CARMIL1: variants seen among roughly 807,000 people sequenced by gnomAD.
The protein encoded by CARMIL1 is F-actin-uncapping protein LRRC16A.
CARMIL1 carries 90 observed loss-of-function variants against 177.1 expected under a neutral mutation model. The ratio of observed to expected loss-of-function variants is 0.51; its 90% CI spans 0.43 to 0.61. The LOEUF is 0.61. CARMIL1 is among the 20% of genes least tolerant of loss of function. The pLI is 0.00. For missense variants in CARMIL1, 1,380 were observed against 1,667.0 expected, an observed-to-expected ratio of 0.83 and a Z score of 3.00; for synonymous variants, 577 against 606.2, an observed-to-expected ratio of 0.95 and a Z score of 0.71.
intron 2 of CARMIL1, among the ~76,000 whole-genome samples, chr6:25,314,390 T>A: frequency 6.7e-6 from 1 of 148,824 alleles, no homozygotes. Flanking sequence ...GGAGAATTGC[T>A]TGAACCCGGG....
chr6:25,341,163 G>GA (rs1786895939), intron 2 of CARMIL1, among the ~76,000 whole-genome samples: 1 of 151,672 alleles, frequency 6.6e-6, no homozygotes. Context: ...GGCGTAAACG[G>GA]GAGGCTTTGG....
intron 31 of CARMIL1, among the ~76,000 whole-genome samples, 173 bp downstream of exon 31, chr6:25,581,612 GA>G (rs1387457450): frequency 6.6e-6 from 1 of 152,160 alleles, no homozygotes; most frequent in Admixed American, 6.5e-5. Flanking sequence ...AACAATTTTG[GA>G]GAATGAACAG....
intron 13 of CARMIL1, among the ~76,000 whole-genome samples, chr6:25,490,756 AAAAT>A (rs1803149062): frequency 6.9e-6 from 1 of 143,916 alleles, no homozygotes; most frequent in Non-Finnish European, 1.5e-5. Flanking sequence ...TAAATAAAAA[AAAAT>A]AAATGTCATT....
chr6:25,616,880 A>G (rs2151353877), intron 36 of CARMIL1, among the ~76,000 whole-genome samples: 1 of 152,292 alleles, frequency 6.6e-6, no homozygotes, highest in Admixed American at 6.5e-5. Flanking sequence ...CATCACATTA[A>G]TTGCATAACT....
Position 25,515,003 on chromosome 6 carries a change from A to G in CARMIL1, c.1633-672A>G, listed in dbSNP as rs1187800312. Among the ~76,000 whole-genome samples, 1 of 152,132 alleles carries G rather than the reference A, an allele frequency of 6.6e-6. No individual in the cohort carries two copies. The highest frequency in any genetic ancestry group is 2.4e-5 in the African/African-American group (1 of 41,436). ...AGATAAGCTAATAGGGAGATGTGGT[A>G]TAGGGTTAGGAGCATGAAATCTGGA... On this transcript the variant is annotated intron_variant, in intron 20 of 36. Coordinates refer to ENST00000329474, the MANE Select transcript of CARMIL1 (RefSeq NM_017640.6). The surrounding 1 kb of genome is among the most constrained non-coding windows in gnomAD (Gnocchi z 5.0).
At chr6:25,449,875 T>G in intron 5 of CARMIL1, 23 bp from the exon 6 acceptor site, 3 of 1,412,070 alleles carry the variant, frequency 2.1e-6, no homozygotes, top group Non-Finnish European at 3.0e-6. Context: ...TTGTGAAATG[T>G]GTTGTTGTTG....
intron 29 of CARMIL1, among the ~76,000 whole-genome samples, chr6:25,570,328 A>G (rs1170111058): frequency 6.6e-6 from 1 of 152,230 alleles, no homozygotes; most frequent in Non-Finnish European, 1.5e-5. Flanking sequence ...AGTAATAAAC[A>G]TCATGCTTCT....
chr6:25,427,408 A>G (rs1796366446), intron 4 of CARMIL1, among the ~76,000 whole-genome samples: 1 of 152,146 alleles, frequency 6.6e-6, no homozygotes, highest in Admixed American at 6.5e-5. Flanking sequence ...TTTGTTGCTG[A>G]GTAGTGTTTA....
intron 21 of CARMIL1, among the ~76,000 whole-genome samples, chr6:25,516,771 A>G (rs1319519442): frequency 1.3e-5 from 2 of 152,232 alleles, no homozygotes; most frequent in African/African-American, 4.8e-5. Context: ...AAAAGCAAAC[A>G]AACTCCTGTT....
chr6:25,461,882 C>T lies in CARMIL1; in HGVS notation c.615-3991C>T, dbSNP rs77117142. On this transcript the variant is annotated intron_variant, in intron 8 of 36. Coordinates refer to ENST00000329474, the MANE Select transcript of CARMIL1 (RefSeq NM_017640.6). Reference sequence around the variant, plus strand: ...AATTTATTTTTTCTCTTTTTTAAACCGTGCATCTCTTTTTGGTTTTTCCCT... The same window carrying T: ...AATTTATTTTTTCTCTTTTTTAAACTGTGCATCTCTTTTTGGTTTTTCCCT... Among the ~76,000 whole-genome samples the T allele has an allele frequency of 2.0e-3, 302 of 152,058 alleles. 2 individuals carry two copies. In the East Asian group the frequency reaches 0.035, roughly 18 times the overall value.
chr6:25,593,136 T>TCCCTAGAACCATGTC (rs1400584011), intron 31 of CARMIL1, among the ~76,000 whole-genome samples: 1 of 152,168 alleles, frequency 6.6e-6, no homozygotes, highest in Non-Finnish European at 1.5e-5. Flanking sequence ...TGTAACGTGT[T>TCCCTAGAACCATGTC]CCCTAGAACC....
intron 23 of CARMIL1, among the ~76,000 whole-genome samples, chr6:25,522,709 T>C (rs1806695420): frequency 6.6e-6 from 1 of 152,236 alleles, no homozygotes. Flanking sequence ...CCATGTTTTA[T>C]TCTCCTAATG....
intron 5 of CARMIL1, among the ~76,000 whole-genome samples, chr6:25,437,969 T>C (rs1181520911): frequency 1.9e-4 from 29 of 152,242 alleles, no homozygotes; most frequent in Non-Finnish European, 1.5e-5. Context: ...CTTTTCATAA[T>C]TCAAACAGTA....
chr6:25,503,684 GT>G (rs1804643861), intron 17 of CARMIL1, among the ~76,000 whole-genome samples: 1 of 152,160 alleles, frequency 6.6e-6, no homozygotes, highest in South Asian at 2.1e-4. Flanking sequence ...TAGCATACCA[GT>G]TGAAATCGTA....
chr6:25,322,278 A>G (rs1784743955), intron 2 of CARMIL1, among the ~76,000 whole-genome samples: 1 of 151,982 alleles, frequency 6.6e-6, no homozygotes, highest in Admixed American at 6.6e-5. Context: ...GCTCTCCACC[A>G]TACCCGGCTA....
At chr6:25,445,945 G>A in intron 5 of CARMIL1, among the ~76,000 whole-genome samples, 1 of 152,156 alleles carries the variant, frequency 6.6e-6, no homozygotes. Flanking sequence ...GTGTGGCCAG[G>A]TGCATTGTTA....
intron 8 of CARMIL1, among the ~76,000 whole-genome samples, chr6:25,457,891 G>A (rs939072474): frequency 6.6e-6 from 1 of 152,170 alleles, no homozygotes; most frequent in African/African-American, 2.4e-5. Flanking sequence ...ATTGCAGGTT[G>A]TAGGGCTTGC....
chr6:25,279,708 C>G lies in CARMIL1; in HGVS notation c.-88C>G. 1 of 1,293,626 alleles carries G rather than the reference C, an allele frequency of 7.7e-7. No individual in the cohort carries two copies. The highest frequency in any genetic ancestry group is 1.1e-6 in the Non-Finnish European group (1 of 887,938). The allele number at this position is 1,293,626 out of a possible 1,614,324, so 80.1% of individuals were successfully genotyped here. A position where few individuals can be genotyped will look rare whatever the true frequency, so the allele number is the denominator to read the frequency against. ...TTCCATTTGCAAGCTGCATCTGCCT[C>G]TCTAAAAAAATTGAGGAGTTCGGGG... is the stretch of plus-strand genomic sequence containing the variant. On this transcript the variant is annotated 5_prime_UTR_variant, in exon 1 of 37. Transcript: ENST00000329474.
chr6:25,434,242 A>T (rs1028886), intron 4 of CARMIL1, among the ~76,000 whole-genome samples: 36,538 of 151,896 alleles, frequency 0.24, 5,086 homozygotes, highest in African/African-American at 0.38. Flanking sequence ...GGCATCTTTT[A>T]TTTTTAGGTA....
Sources: allele counts gnomAD v4.1 joint callset (sites outside exome capture counted in the v4.1 genomes callset), GRCh38; gene constraint gnomAD v4.1.1; non-coding constraint Gnocchi (gnomAD v3.1); transcripts MANE v1.5; gene names NCBI Gene and HGNC (gene_info 2026-07-23, HGNC 2026-07-21).